The following RBFOX1 variants were observed in gnomAD, a reference collection of about 807,000 sequenced individuals.
RBFOX1 encodes the protein RNA binding protein fox-1 homolog 1.
In RBFOX1, 8 loss-of-function variants were observed where a neutral mutation model predicts 57.7. That is an observed-to-expected ratio of 0.14 (90% CI 0.08 to 0.25). RBFOX1 has a LOEUF of 0.25. RBFOX1 is among the 10% of genes least tolerant of loss of function. The pLI is 1.00. For missense variants in RBFOX1, 611 were observed against 548.5 expected (o/e 1.11, Z -1.14); for synonymous variants, 326 against 222.4 (o/e 1.47, Z -4.15).
At chr16:7,103,035 A>G (rs1017163723) in intron 4 of RBFOX1, among the ~76,000 whole-genome samples, 2 of 150,562 alleles carry the variant, frequency 1.3e-5, no homozygotes, top group African/African-American at 2.5e-5. Context: ...TTGTCTATCT[A>G]TTTCCACATT....
At chr16:5,845,127 A>G (rs1254279733) in intron 3 of RBFOX1, among the ~76,000 whole-genome samples, 1 of 151,496 alleles carries the variant, frequency 6.6e-6, no homozygotes, top group East Asian at 1.9e-4. Context: ...TGTATTCCCA[A>G]ATCCCTTAAG....
intron 2 of RBFOX1, among the ~76,000 whole-genome samples, chr16:6,482,042 C>T (rs1033593997): frequency 3.9e-5 from 6 of 151,912 alleles, no homozygotes; most frequent in East Asian, 1.9e-4. Context: ...GAAGTTGTAA[C>T]GAATGTGAAA....
intron 3 of RBFOX1, among the ~76,000 whole-genome samples, chr16:5,690,470 C>G (rs917636569): frequency 6.6e-6 from 1 of 152,112 alleles, no homozygotes; most frequent in African/African-American, 2.4e-5. Context: ...GAGAACTGGA[C>G]AAAATACTGC....
chr16:6,645,764 G>A (rs372051533), intron 2 of RBFOX1, among the ~76,000 whole-genome samples: 10 of 152,230 alleles, frequency 6.6e-5, no homozygotes, highest in African/African-American at 2.2e-4. Flanking sequence ...GACATTTACT[G>A]ATAACTTGCC....
chr16:6,918,810 C>T (rs892577455), intron 3 of RBFOX1, among the ~76,000 whole-genome samples: 9 of 152,044 alleles, frequency 5.9e-5, no homozygotes, highest in South Asian at 2.1e-4. Flanking sequence ...TGAGCAGAAG[C>T]GCACTCGTTA....
intron 3 of RBFOX1, among the ~76,000 whole-genome samples, chr16:5,646,998 G>C (rs2049076059): frequency 6.6e-6 from 1 of 152,124 alleles, no homozygotes; most frequent in African/African-American, 2.4e-5. Flanking sequence ...CGGCTGCGAT[G>C]GAGGCTTCTA....
intron 3 of RBFOX1, among the ~76,000 whole-genome samples, chr16:5,860,170 C>T (rs902621856): frequency 6.6e-6 from 1 of 152,118 alleles, no homozygotes; most frequent in Non-Finnish European, 1.5e-5. Context: ...GCAACCTCCG[C>T]CTCCTGGATT....
intron 3 of RBFOX1, among the ~76,000 whole-genome samples, chr16:7,038,716 A>G (rs34004828): frequency 0.096 from 14,662 of 152,014 alleles, 1,170 homozygotes; most frequent in East Asian, 0.32. Flanking sequence ...CGAAGGGGAT[A>G]TTGGCCACGT....
intron 1 of RBFOX1, among the ~76,000 whole-genome samples, chr16:6,254,006 C>G (rs1050529408): frequency 6.6e-6 from 1 of 152,146 alleles, no homozygotes; most frequent in African/African-American, 2.4e-5. Context: ...GGTTCCATGA[C>G]AAACATACAC....
chr16:6,593,874 G>C (rs1018098350), intron 2 of RBFOX1, among the ~76,000 whole-genome samples: 3 of 152,202 alleles, frequency 2.0e-5, no homozygotes, highest in Admixed American at 6.5e-5. Context: ...ATTTAGGAAA[G>C]ATGTTTAAAG....
chr16:7,691,114 A>T (rs2077219008), intron 14 of RBFOX1, among the ~76,000 whole-genome samples: 1 of 152,134 alleles, frequency 6.6e-6, no homozygotes, highest in South Asian at 2.1e-4. Flanking sequence ...GTTTATGTGG[A>T]TTAAAAAATA....
At chr16:5,590,632 G>T (rs1468730632) in intron 2 of RBFOX1, among the ~76,000 whole-genome samples, 1 of 152,172 alleles carries the variant, frequency 6.6e-6, no homozygotes, top group African/African-American at 2.4e-5. Context: ...TTCACTCCCA[G>T]ATCGGGCACT....
intron 3 of RBFOX1, among the ~76,000 whole-genome samples, chr16:7,008,617 C>T (rs551614641): frequency 3.6e-5 from 5 of 137,260 alleles, no homozygotes; most frequent in African/African-American, 1.4e-4. Context: ...AATGAAATTC[C>T]CTCCCTCCCT....
intron 1 of RBFOX1, among the ~76,000 whole-genome samples, chr16:6,131,767 C>A (rs2096631322): frequency 1.3e-5 from 2 of 152,180 alleles, no homozygotes; most frequent in South Asian, 4.1e-4. Flanking sequence ...AATTCCTTCT[C>A]ATCATAGTTA....
intron 3 of RBFOX1, among the ~76,000 whole-genome samples, chr16:5,668,833 G>C (rs971909701): frequency 1.3e-5 from 2 of 152,116 alleles, no homozygotes; most frequent in African/African-American, 4.8e-5. Context: ...CTGGAGAGGT[G>C]GTGGGTGGAG....
intron 3 of RBFOX1, among the ~76,000 whole-genome samples, chr16:7,021,494 T>C (rs887197023): frequency 1.4e-5 from 2 of 145,940 alleles, no homozygotes; most frequent in African/African-American, 4.9e-5. Flanking sequence ...TTTATATTAA[T>C]ATTTTATATA....
At chr16:6,199,040 A>T (rs74249632) in intron 1 of RBFOX1, among the ~76,000 whole-genome samples, 15,580 of 152,052 alleles carry the variant, frequency 0.1, 970 homozygotes, top group East Asian at 0.25. Flanking sequence ...AAAAGCAAAT[A>T]GGTCACGTGT....
chr16:7,682,256 G>T (rs1032162080), intron 14 of RBFOX1, among the ~76,000 whole-genome samples: 1 of 152,122 alleles, frequency 6.6e-6, no homozygotes, highest in Non-Finnish European at 1.5e-5. Context: ...TACATTTGCA[G>T]TCTCTGAGAA....
At chr16:6,513,118 A>G (rs1207818247) in intron 2 of RBFOX1, among the ~76,000 whole-genome samples, 2 of 152,186 alleles carry the variant, frequency 1.3e-5, no homozygotes, top group African/African-American at 2.4e-5. Context: ...TCCCAGCTCT[A>G]CCACCCATTC....
Sources: gnomAD v4.1 joint callset for allele counts (sites outside exome capture counted in the v4.1 genomes callset) on GRCh38, gnomAD v4.1.1 for gene constraint, MANE v1.5 for transcripts, NCBI Gene and HGNC (gene_info 2026-07-23, HGNC 2026-07-21) for gene names.